The following PCDH7 variants were observed in gnomAD, a reference collection of about 807,000 sequenced individuals.
PCDH7 encodes the protein protocadherin 7.
In PCDH7, 17 loss-of-function variants were observed where a neutral mutation model predicts 58.9. The ratio of observed to expected loss-of-function variants is 0.29; its 90% confidence interval spans 0.20 to 0.43. PCDH7 has a LOEUF of 0.43. Among genes scored for constraint, PCDH7 ranks in the 20% least tolerant of loss-of-function variants. The pLI is 1.00. For missense variants in PCDH7, 1,274 were observed against 1,441.0 expected, an observed-to-expected ratio of 0.88 and a Z score of 1.88; for synonymous variants, 664 against 616.4, an observed-to-expected ratio of 1.08 and a Z score of -1.14.
chr4:30,730,676 T>G (rs371737513), intron 1 of PCDH7: 1 of 1,045,178 alleles, frequency 9.6e-7, no homozygotes. Flanking sequence ...AGCTTTCCAA[T>G]TGGGCATAAG....
chr4:30,787,502 A>G (rs1053282926), intron 1 of PCDH7, among the ~76,000 whole-genome samples: 2 of 152,140 alleles, frequency 1.3e-5, no homozygotes, highest in Non-Finnish European at 2.9e-5. Context: ...GATAGATCAC[A>G]GTATATGTCA....
rs572683299 is a variant in PCDH7 at position 30,946,297 on chromosome 4, G to T, written c.288-3823G>T. ...TTTAATAACGTAAGCAGAGAACAGG[G>T]GTCCCACTGCCTAACTAAACTCCCT... On this transcript the variant is annotated intron_variant, in intron 2 of 3. Coordinates refer to the PCDH7 transcript ENST00000509759. Among the ~76,000 whole-genome samples the T allele has an allele frequency of 4.6e-5, 7 of 152,090 alleles. No homozygotes were observed. The South Asian group carries it at 1.5e-3, about 32-fold the overall frequency.
intron 2 of PCDH7, among the ~76,000 whole-genome samples, chr4:30,922,521 A>T (rs567521180): frequency 6.6e-6 from 1 of 152,156 alleles, no homozygotes; most frequent in South Asian, 2.1e-4. Context: ...AAAGATAATT[A>T]TATATGACAA....
At chr4:31,018,770 A>G (rs79950753) in intron 3 of PCDH7, among the ~76,000 whole-genome samples, 2,160 of 152,312 alleles carry the variant, frequency 0.014, 52 homozygotes, top group African/African-American at 0.048. Context: ...TGCTTCTCCA[A>G]CCATGATTTT....
chr4:31,004,713 C>A (rs1481537244), intron 3 of PCDH7, among the ~76,000 whole-genome samples: 1 of 152,020 alleles, frequency 6.6e-6, no homozygotes, highest in East Asian at 1.9e-4. Flanking sequence ...GTAATAACAT[C>A]CAATATTTAT....
At chr4:31,079,533 C>G (rs11945857) in intron 3 of PCDH7, among the ~76,000 whole-genome samples, 78,148 of 149,760 alleles carry the variant, frequency 0.52, 20,933 homozygotes, top group South Asian at 0.68. Flanking sequence ...TCCAACAGCA[C>G]GTAATACCAA....
chr4:31,062,998 A>G (rs73812506), intron 3 of PCDH7, among the ~76,000 whole-genome samples: 13,401 of 151,872 alleles, frequency 0.088, 696 homozygotes, highest in South Asian at 0.18. Context: ...TGTTTATTAC[A>G]TATGTGTATA....
intron 1 of PCDH7, among the ~76,000 whole-genome samples, chr4:30,764,620 G>A (rs1720453378): frequency 1.3e-5 from 2 of 152,058 alleles, no homozygotes; most frequent in South Asian, 4.1e-4. Flanking sequence ...ACCAGCCTTA[G>A]GTTTCACTAG....
intron 1 of PCDH7, among the ~76,000 whole-genome samples, chr4:30,825,020 A>G (rs1728924376): frequency 6.6e-6 from 1 of 152,068 alleles, no homozygotes. Flanking sequence ...TTGAATGGAT[A>G]GCGCTTGGTG....
chr4:30,933,673 A>G (rs1400165931), intron 2 of PCDH7, among the ~76,000 whole-genome samples: 2 of 152,016 alleles, frequency 1.3e-5, no homozygotes, highest in Non-Finnish European at 2.9e-5. Flanking sequence ...ACATTCACCA[A>G]CTATCTATCA....
intron 1 of PCDH7, among the ~76,000 whole-genome samples, chr4:30,810,492 A>G (rs1349787783): frequency 6.6e-6 from 1 of 152,064 alleles, no homozygotes; most frequent in African/African-American, 2.4e-5. Flanking sequence ...CTTCATCATA[A>G]TAAAGTAAAT....
intron 1 of PCDH7, among the ~76,000 whole-genome samples, chr4:30,830,825 A>G (rs1729678216): frequency 6.6e-6 from 1 of 152,130 alleles, no homozygotes; most frequent in African/African-American, 2.4e-5. Context: ...TATGTATCAT[A>G]ATGTTAAACA....
intron 2 of PCDH7, among the ~76,000 whole-genome samples, chr4:30,941,089 G>T (rs866298017): frequency 1.3e-5 from 2 of 151,982 alleles, no homozygotes; most frequent in Non-Finnish European, 2.9e-5. Flanking sequence ...GTACATGAAT[G>T]TGGTGAGCAG....
Position 30,870,111 on chromosome 4 carries a change from G to A in PCDH7, c.71-50042G>A, listed in dbSNP as rs191418804. Among the ~76,000 whole-genome samples the A allele has an allele frequency of 1.7e-3, 253 of 151,806 alleles. 1 individual carries two copies. The highest frequency in any genetic ancestry group is 3.2e-3 in the Non-Finnish European group (216 of 67,976). On this transcript the variant is annotated intron_variant, in intron 1 of 3. Transcript: ENST00000509759. ...TGAGAAGTGTCTATTCATATCCTTC[G>A]CCCACTTTTTGAAGGGATTGTTTGT...
intron 3 of PCDH7, among the ~76,000 whole-genome samples, chr4:31,125,456 A>C (rs1324074097): frequency 2.6e-5 from 4 of 152,336 alleles, no homozygotes; most frequent in African/African-American, 9.6e-5. Context: ...CAGCTTAGAC[A>C]AAGAAGATTT....
intron 1 of PCDH7, among the ~76,000 whole-genome samples, chr4:30,901,543 A>G (rs1740221014): frequency 6.6e-6 from 1 of 152,214 alleles, no homozygotes; most frequent in African/African-American, 2.4e-5. Flanking sequence ...ATGTGCAGCC[A>G]GAGTGGAGAA....
At chr4:30,895,135 C>CA (rs11385319) in intron 1 of PCDH7, among the ~76,000 whole-genome samples, 20,144 of 144,122 alleles carry the variant, frequency 0.14, 1,526 homozygotes, top group African/African-American at 0.21. Context: ...ACAATTTCAG[C>CA]AAAAAAAAAA....
intron 3 of PCDH7, among the ~76,000 whole-genome samples, chr4:31,062,872 C>T (rs1757795847): frequency 6.6e-6 from 1 of 151,662 alleles, no homozygotes; most frequent in Non-Finnish European, 1.5e-5. Flanking sequence ...GTGAAGGAAC[C>T]ACCAAGTTTT....
At chr4:30,829,410 GA>G (rs1729499411) in intron 1 of PCDH7, among the ~76,000 whole-genome samples, 1 of 152,044 alleles carries the variant, frequency 6.6e-6, no homozygotes, top group African/African-American at 2.4e-5. Flanking sequence ...AAAATTAAAT[GA>G]TATCATTCAG....
Sources: gnomAD v4.1 joint callset for allele counts (sites outside exome capture counted in the v4.1 genomes callset) on GRCh38, gnomAD v4.1.1 for gene constraint, MANE v1.5 for transcripts, NCBI Gene and HGNC (gene_info 2026-07-23, HGNC 2026-07-21) for gene names.